MED1: variants seen among roughly 807,000 people sequenced by gnomAD.
MED1 encodes the protein mediator of RNA polymerase II transcription subunit 1.
MED1 carries 17 observed loss-of-function variants against 121.3 expected under a neutral mutation model. That is an observed-to-expected ratio of 0.14 (90% confidence interval 0.10 to 0.21). The LOEUF (loss-of-function observed/expected upper bound fraction) is 0.21, where lower values mean the gene tolerates loss of function less well. Among genes scored for constraint, MED1 ranks in the 10% least tolerant of loss-of-function variants. The pLI is 1.00. For missense variants in MED1, 1,558 were observed against 1,919.4 expected, an observed-to-expected ratio of 0.81 and a Z score of 3.52; for synonymous variants, 661 against 694.4, an observed-to-expected ratio of 0.95 and a Z score of 0.76.
chr17:39,443,436 T>C (rs1390550287), intron 3 of MED1, 114 bp downstream of exon 3: 4 of 756,286 alleles, frequency 5.3e-6, no homozygotes, highest in African/African-American at 1.7e-5. Flanking sequence ...AAGAGCAATA[T>C]CTAATACATA....
chr17:39,418,410 A>G (rs71369759), intron 14 of MED1, among the ~76,000 whole-genome samples: 4,899 of 151,956 alleles, frequency 0.032, 277 homozygotes, highest in African/African-American at 0.11. Flanking sequence ...GTACATGCCT[A>G]TAGCCCCACC....
intron 1 of MED1, 35 bp from the exon 2 acceptor site, chr17:39,447,939 GT>G: frequency 7.3e-7 from 1 of 1,367,278 alleles, no homozygotes; most frequent in South Asian, 1.2e-5. Flanking sequence ...ATCAGTAACT[GT>G]TCTATCAAGA....
At chr17:39,443,757 G>A in intron 2 of MED1, 129 bp from the exon 3 acceptor site, 2 of 705,126 alleles carry the variant, frequency 2.8e-6, no homozygotes, top group Non-Finnish European at 2.5e-6. Context: ...TATAGATTTT[G>A]TAGACTATAT....
intron 10 of MED1, chr17:39,427,433 G>C: frequency 5.1e-6 from 1 of 197,128 alleles, no homozygotes; most frequent in South Asian, 9.3e-5. Flanking sequence ...GCCCACCTCA[G>C]CCTCCCAAAG....
chr17:39,443,705 T>C, intron 2 of MED1, 77 bp from the exon 3 acceptor site: 1 of 1,156,932 alleles, frequency 8.6e-7, no homozygotes, highest in East Asian at 2.3e-5. Flanking sequence ...CACATTATCC[T>C]AGTAGTAATA....
intron 13 of MED1, among the ~76,000 whole-genome samples, chr17:39,421,695 T>C (rs1445429646): frequency 6.6e-6 from 1 of 152,182 alleles, no homozygotes; most frequent in African/African-American, 2.4e-5. Context: ...AGCCTCTTAA[T>C]TACTGCTTCC....
intron 14 of MED1, among the ~76,000 whole-genome samples, chr17:39,417,905 G>A (rs2048424879): frequency 6.6e-6 from 1 of 151,454 alleles, no homozygotes; most frequent in South Asian, 2.1e-4. Flanking sequence ...TGGATCACGA[G>A]GTCAGGAGTT....
Position 39,405,939 on chromosome 17 carries a change from G to A in MED1, c.*1536C>T, listed in dbSNP as rs2048299657. The A allele has an allele frequency of 3.0e-6, 3 of 984,042 alleles. No homozygotes were observed. The highest frequency in any genetic ancestry group is 1.2e-4 in the Admixed American group (2 of 16,208). The allele number at this position is 984,042 out of a possible 1,614,324, so 61.0% of individuals were successfully genotyped here. The stretch of plus-strand genomic sequence containing the variant: ...TTTTTTTTTAACCCAGAAGAGTTGT[G>A]CTGGGGACCATGCCCCATCCCGCTG... On this transcript the variant is annotated 3_prime_UTR_variant, in exon 17 of 17. Coordinates refer to ENST00000300651, the MANE Select transcript of MED1 (RefSeq NM_004774.4).
chr17:39,446,348 G>A (rs2048726856), intron 2 of MED1, among the ~76,000 whole-genome samples: 1 of 150,962 alleles, frequency 6.6e-6, no homozygotes, highest in Non-Finnish European at 1.5e-5. Flanking sequence ...TACTCGGGAG[G>A]CTGAGGCAGG....
chr17:39,434,351 GA>G, intron 6 of MED1, 31 bp from the exon 7 acceptor site: 2 of 1,212,896 alleles, frequency 1.6e-6, no homozygotes, highest in South Asian at 2.9e-5. Flanking sequence ...AGGGGAAAGA[GA>G]GGAAAATAAA....
At chr17:39,434,518 C>G (rs1183372580) in intron 6 of MED1, among the ~76,000 whole-genome samples, 198 bp from the exon 7 acceptor site, 1 of 152,144 alleles carries the variant, frequency 6.6e-6, no homozygotes, top group Non-Finnish European at 1.5e-5. Context: ...TGTCTCCCTC[C>G]TCCATTTTTT....
chr17:39,423,683 T>C lies in MED1; in HGVS notation c.976+14A>G. The C allele has an allele frequency of 7.4e-6, 12 of 1,613,930 alleles. No homozygotes were observed. The highest frequency in any genetic ancestry group is 1.0e-5 in the Non-Finnish European group (12 of 1,179,982). On this transcript the variant is annotated intron_variant, in intron 12 of 16. Transcript: ENST00000300651. The stretch of plus-strand genomic sequence containing the variant: ...ATTTATAACAAGTACTAGATCCTGA[T>C]GCTCAAAACTCACCTGTGCAGTTCT...
chr17:39,442,379 C>T (rs1023293233), intron 3 of MED1, among the ~76,000 whole-genome samples: 3 of 151,654 alleles, frequency 2.0e-5, no homozygotes, highest in Non-Finnish European at 2.9e-5. Flanking sequence ...GGGTGGATCA[C>T]GAGGTCAGGA....
intron 3 of MED1, among the ~76,000 whole-genome samples, chr17:39,441,671 G>A (rs2048676016): frequency 6.6e-6 from 1 of 152,232 alleles, no homozygotes; most frequent in African/African-American, 2.4e-5. Flanking sequence ...TCGGGAGGCT[G>A]AGGCAAGAGA....
chr17:39,448,230 T>C (rs1292384004), intron 1 of MED1, among the ~76,000 whole-genome samples: 1 of 150,412 alleles, frequency 6.6e-6, no homozygotes, highest in African/African-American at 2.4e-5. Flanking sequence ...ATTAGCCAGA[T>C]GTGGTGGTGC....
At chr17:39,429,517 G>A (rs2048544990) in intron 9 of MED1, among the ~76,000 whole-genome samples, 1 of 151,504 alleles carries the variant, frequency 6.6e-6, no homozygotes, top group African/African-American at 2.4e-5. Context: ...CCAACATGGT[G>A]AAACCCTGTC....
At position 39,407,403 on chromosome 17, in the gene MED1, A is replaced by G; in HGVS notation, c.*72T>C. 1 of 1,495,930 alleles carries G rather than the reference A, an allele frequency of 6.7e-7. No homozygotes were observed. The highest frequency in any genetic ancestry group is 8.9e-7 in the Non-Finnish European group (1 of 1,125,478). 92.7% of individuals were successfully genotyped at this position (1,495,930 alleles called of 1,614,324 possible). A position where few individuals can be genotyped will look rare whatever the true frequency, so the allele number is the denominator to read the frequency against. On this transcript the variant is annotated 3_prime_UTR_variant, in exon 17 of 17. Coordinates refer to ENST00000300651, the MANE Select transcript of MED1 (RefSeq NM_004774.4). Reference sequence around the variant, plus strand: ...ATCAGACCTGTCTGACTCACCCCTTATGGTGGTTTGCCTATAAACTTATCA... The same window carrying G: ...ATCAGACCTGTCTGACTCACCCCTTGTGGTGGTTTGCCTATAAACTTATCA...
chr17:39,423,579 T>C (rs1440174747), intron 12 of MED1, 118 bp downstream of exon 12: 1 of 1,482,760 alleles, frequency 6.7e-7, no homozygotes, highest in Non-Finnish European at 9.4e-7. Flanking sequence ...CACTATAACA[T>C]CTTTACCAGT....
intron 7 of MED1, among the ~76,000 whole-genome samples, chr17:39,434,048 A>G (rs1208825007): frequency 6.6e-6 from 1 of 152,178 alleles, no homozygotes; most frequent in Non-Finnish European, 1.5e-5. Context: ...GTCTTCCAGC[A>G]TTATGATCGA....
Sources: gnomAD v4.1 joint callset for allele counts (sites outside exome capture counted in the v4.1 genomes callset) on GRCh38, gnomAD v4.1.1 for gene constraint, MANE v1.5 for transcripts, NCBI Gene and HGNC (gene_info 2026-07-23, HGNC 2026-07-21) for gene names.